The following GPC5 variants were observed in gnomAD, a reference collection of about 807,000 sequenced individuals.
The protein encoded by GPC5 is glypican 5.
GPC5 carries 47 observed loss-of-function variants against 53.9 expected under a neutral mutation model. That is an observed-to-expected ratio of 0.87 (90% CI 0.69 to 1.11). The LOEUF is 1.11. Among genes scored for constraint, GPC5 ranks in the 50% most tolerant of loss-of-function variants. The pLI is 0.00. For synonymous variants in GPC5, 286 were observed against 263.3 expected (o/e 1.09, Z -0.84); for missense variants, 748 against 713.1 (o/e 1.05, Z -0.56).
At chr13:92,474,154 T>A (rs1879012214) in intron 7 of GPC5, among the ~76,000 whole-genome samples, 1 of 152,048 alleles carries the variant, frequency 6.6e-6, no homozygotes, top group East Asian at 1.9e-4. Flanking sequence ...TCTGTTTTTT[T>A]TTTTTTCCCA....
chr13:91,708,278 T>TG (rs145596636), intron 3 of GPC5, among the ~76,000 whole-genome samples: 2,733 of 152,234 alleles, frequency 0.018, 79 homozygotes, highest in African/African-American at 0.06. Context: ...TTTTTGTTTT[T>TG]TTTTTGTTTT....
chr13:92,118,795 G>A (rs1427373800), intron 6 of GPC5, among the ~76,000 whole-genome samples: 1 of 152,116 alleles, frequency 6.6e-6, no homozygotes, highest in African/African-American at 2.4e-5. Context: ...AGGAGAAATA[G>A]GCCTTGGTGA....
intron 7 of GPC5, among the ~76,000 whole-genome samples, chr13:92,428,869 C>A (rs558318955): frequency 3.2e-4 from 48 of 152,102 alleles, no homozygotes; most frequent in African/African-American, 1.2e-3. Flanking sequence ...AGAAGTCTGG[C>A]AAATCTCTGG....
intron 7 of GPC5, among the ~76,000 whole-genome samples, chr13:92,192,356 T>TA (rs1360047673): frequency 2.2e-4 from 34 of 152,202 alleles, no homozygotes; most frequent in African/African-American, 8.2e-4. Flanking sequence ...AGGAACTCTG[T>TA]ACTTTCCATT....
At chr13:92,814,488 C>A (rs2138802491) in intron 7 of GPC5, among the ~76,000 whole-genome samples, 1 of 151,698 alleles carries the variant, frequency 6.6e-6, no homozygotes, top group South Asian at 2.1e-4. Flanking sequence ...TGGTGAAACC[C>A]CGTCTCTACT....
intron 7 of GPC5, among the ~76,000 whole-genome samples, chr13:92,555,316 C>T (rs1311767628): frequency 6.6e-6 from 1 of 151,136 alleles, no homozygotes; most frequent in Non-Finnish European, 1.5e-5. Context: ...GGAAAGCAAG[C>T]AATGATGGAC....
At chr13:92,189,333 A>C (rs974859082) in intron 7 of GPC5, among the ~76,000 whole-genome samples, 2 of 151,482 alleles carry the variant, frequency 1.3e-5, no homozygotes, top group Admixed American at 6.6e-5. Flanking sequence ...ACCCAACTCT[A>C]GCCAACTCTA....
Position 92,204,558 on chromosome 13 carries a change from T to C in GPC5, c.1561+59569T>C, listed in dbSNP as rs201001486. 1.8e-4 allele frequency among the ~76,000 whole-genome samples: 28 copies of C among 152,262 alleles called. No individual in the cohort carries two copies. The East Asian group carries it at 4.8e-3, about 26-fold the overall frequency. ...AAGTCCACACAACACTACCCTCTCT[T>C]TTGACACCAACTGCAAGTTTTGAGA... On this transcript the variant is annotated intron_variant, in intron 7 of 7. Coordinates refer to ENST00000377067, the MANE Select transcript of GPC5 (RefSeq NM_004466.6).
At chr13:92,159,881 A>C (rs9560943) in intron 7 of GPC5, among the ~76,000 whole-genome samples, 7,661 of 141,396 alleles carry the variant, frequency 0.054, 460 homozygotes, top group African/African-American at 0.15. Context: ...GGATTACAGG[A>C]GTGAGCCACC....
At chr13:92,521,823 C>G (rs990985172) in intron 7 of GPC5, among the ~76,000 whole-genome samples, 14 of 152,034 alleles carry the variant, frequency 9.2e-5, no homozygotes, top group Non-Finnish European at 1.9e-4. Flanking sequence ...AAGAAACTAC[C>G]ATCAGAGTGA....
At chr13:92,507,970 G>T (rs1314765219) in intron 7 of GPC5, among the ~76,000 whole-genome samples, 1 of 152,010 alleles carries the variant, frequency 6.6e-6, no homozygotes, top group Non-Finnish European at 1.5e-5. Context: ...AATTAATTTA[G>T]TTTTTTGTTG....
At chr13:92,661,108 T>C (rs147195846) in intron 7 of GPC5, among the ~76,000 whole-genome samples, 162 of 152,152 alleles carry the variant, frequency 1.1e-3, no homozygotes, top group Non-Finnish European at 1.8e-3. Context: ...GAGACCATCC[T>C]GGGCAACAAA....
At chr13:91,535,867 T>C (rs962889190) in intron 2 of GPC5, among the ~76,000 whole-genome samples, 9 of 152,204 alleles carry the variant, frequency 5.9e-5, no homozygotes, top group Admixed American at 5.2e-4. Flanking sequence ...ATAATAATAA[T>C]AACTGGTGAG....
intron 6 of GPC5, among the ~76,000 whole-genome samples, chr13:92,122,310 C>T (rs2041656806): frequency 6.6e-6 from 1 of 151,202 alleles, no homozygotes; most frequent in African/African-American, 2.4e-5. Flanking sequence ...AATCTGCTGG[C>T]CCTTTTGCTT....
intron 7 of GPC5, among the ~76,000 whole-genome samples, chr13:92,813,357 AAC>A (rs1441109379): frequency 2.0e-5 from 3 of 151,974 alleles, no homozygotes; most frequent in Admixed American, 6.6e-5. Flanking sequence ...CATAATAATG[AAC>A]ACGTTTTAAA....
intron 1 of GPC5, among the ~76,000 whole-genome samples, chr13:91,436,191 T>A (rs539255956): frequency 6.6e-6 from 1 of 152,308 alleles, no homozygotes; most frequent in South Asian, 2.1e-4. Flanking sequence ...TTTCCTTCAG[T>A]TCTGCTCTGA....
At chr13:92,547,120 A>C (rs1331351934) in intron 7 of GPC5, among the ~76,000 whole-genome samples, 1 of 152,178 alleles carries the variant, frequency 6.6e-6, no homozygotes, top group African/African-American at 2.4e-5. Flanking sequence ...AGGTGCATTC[A>C]CATTTGGGGG....
At chr13:91,818,765 C>T (rs761517572) in intron 5 of GPC5, among the ~76,000 whole-genome samples, 3 of 152,046 alleles carry the variant, frequency 2.0e-5, no homozygotes, top group Non-Finnish European at 4.4e-5. Flanking sequence ...CATGCAAAAC[C>T]GTAACAAGAC....
chr13:91,434,073 T>G (rs560837463), intron 1 of GPC5, among the ~76,000 whole-genome samples: 1 of 152,344 alleles, frequency 6.6e-6, no homozygotes, highest in South Asian at 2.1e-4. Flanking sequence ...GTAAATTTGT[T>G]GGAGTTTGTT....
Sources: gnomAD v4.1 joint callset for allele counts (sites outside exome capture counted in the v4.1 genomes callset) on GRCh38, gnomAD v4.1.1 for gene constraint, MANE v1.5 for transcripts, NCBI Gene and HGNC (gene_info 2026-07-23, HGNC 2026-07-21) for gene names.